Variants in MYOF observed in about 807,000 individuals in gnomAD.
The protein encoded by MYOF is fer-1-like 3, myoferlin.
Under a neutral mutation model 284.2 loss-of-function variants are expected in MYOF, and 244 were observed. That is an observed-to-expected ratio of 0.86 (90% confidence interval 0.77 to 0.95). MYOF has a LOEUF of 0.95. Ranked by LOEUF, MYOF falls within the 40% of genes least tolerant of loss-of-function variation. The pLI is 0.00. For synonymous variants in MYOF, 904 were observed against 919.7 expected (o/e 0.98, Z 0.31); for missense variants, 2,496 against 2,560.6 (o/e 0.97, Z 0.54).
chr10:93,472,922 A>G (rs871420), intron 1 of MYOF, among the ~76,000 whole-genome samples: 1 of 151,928 alleles, frequency 6.6e-6, no homozygotes, highest in Non-Finnish European at 1.5e-5. Context: ...CCTGTCATGC[A>G]ACATTCTGTG....
At chr10:93,332,314 C>T (rs1245389327) in intron 43 of MYOF, among the ~76,000 whole-genome samples, 1 of 151,818 alleles carries the variant, frequency 6.6e-6, no homozygotes, top group Non-Finnish European at 1.5e-5. Context: ...CCTCCACCTC[C>T]CAGGTTCAAG....
intron 25 of MYOF, among the ~76,000 whole-genome samples, chr10:93,368,320 A>C (rs955560654): frequency 6.6e-6 from 1 of 152,184 alleles, no homozygotes; most frequent in Non-Finnish European, 1.5e-5. Flanking sequence ...ACTGTTTCTT[A>C]AAGTGGTCCC....
At chr10:93,336,153 C>T (rs916791545) in intron 40 of MYOF, 107 bp from the exon 41 acceptor site, 37 of 1,278,626 alleles carry the variant, frequency 2.9e-5, no homozygotes, top group Admixed American at 1.6e-4. Flanking sequence ...ATGGGGCGAC[C>T]GGAACTCCCA....
intron 1 of MYOF, among the ~76,000 whole-genome samples, chr10:93,462,261 G>C (rs1288861668): frequency 6.6e-6 from 1 of 152,130 alleles, no homozygotes; most frequent in Non-Finnish European, 1.5e-5. Context: ...GTAAAGACAG[G>C]GTTTCCCCAT....
At chr10:93,354,482 C>T (rs1844690579) in intron 31 of MYOF, among the ~76,000 whole-genome samples, 1 of 152,176 alleles carries the variant, frequency 6.6e-6, no homozygotes, top group Non-Finnish European at 1.5e-5. Flanking sequence ...ATTTAGGGTA[C>T]TGCTTATCAT....
chr10:93,469,966 C>T (rs1055175033), intron 1 of MYOF, among the ~76,000 whole-genome samples: 15 of 152,052 alleles, frequency 9.9e-5, no homozygotes, highest in African/African-American at 3.1e-4. Context: ...CAGTGGCTCA[C>T]GCTTGTAATC....
chr10:93,395,568 G>A (rs1417704255), intron 16 of MYOF, among the ~76,000 whole-genome samples: 1 of 152,116 alleles, frequency 6.6e-6, no homozygotes, highest in Non-Finnish European at 1.5e-5. Context: ...GCCAGGTATA[G>A]GCAAATAGTT....
At chr10:93,452,237 T>C in intron 2 of MYOF, 96 bp from the exon 3 acceptor site, 1 of 783,128 alleles carries the variant, frequency 1.3e-6, no homozygotes, top group Non-Finnish European at 2.2e-6. Flanking sequence ...TGTTGGGTCA[T>C]TATTTTCACC....
chr10:93,423,616 G>A (rs1016071719), intron 5 of MYOF, among the ~76,000 whole-genome samples: 6 of 148,200 alleles, frequency 4.0e-5, no homozygotes, highest in South Asian at 2.1e-4. Context: ...GGTGGATCAC[G>A]AGGTCAGGAG....
chr10:93,308,252 A>T (rs954828677), intron 53 of MYOF, among the ~76,000 whole-genome samples: 3 of 144,814 alleles, frequency 2.1e-5, no homozygotes, highest in Non-Finnish European at 3.1e-5. Context: ...CAAAAAAAAT[A>T]AAAAATAAAA....
At chr10:93,324,384 A>T (rs1842957601) in intron 46 of MYOF, 1 of 152,192 alleles carries the variant, frequency 6.6e-6, no homozygotes, top group South Asian at 2.1e-4. Flanking sequence ...ACTCTCCTGC[A>T]ACTAATCTCT....
chr10:93,337,330 C>T (rs1202766213), intron 40 of MYOF, among the ~76,000 whole-genome samples: 1 of 151,978 alleles, frequency 6.6e-6, no homozygotes, highest in Non-Finnish European at 1.5e-5. Flanking sequence ...GTCAGCCGTG[C>T]CTAGCTCAGT....
intron 5 of MYOF, among the ~76,000 whole-genome samples, chr10:93,411,726 C>T (rs1017901040): frequency 1.3e-5 from 2 of 152,186 alleles, no homozygotes; most frequent in Non-Finnish European, 2.9e-5. Flanking sequence ...CCCTGCTCCT[C>T]ATCATCCATT....
At chr10:93,409,434 T>G (rs1847790449) in intron 6 of MYOF, 139 bp downstream of exon 6, 4 of 1,055,550 alleles carry the variant, frequency 3.8e-6, no homozygotes, top group Non-Finnish European at 5.4e-6. Flanking sequence ...CTTTTCTTAC[T>G]GGGTTTATAC....
At chr10:93,452,025 A>G in intron 3 of MYOF, 25 bp downstream of exon 3, 1 of 1,515,978 alleles carries the variant, frequency 6.6e-7, no homozygotes, top group Non-Finnish European at 9.1e-7. Context: ...ACCTAAAATG[A>G]GAAAAACAGG....
intron 3 of MYOF, among the ~76,000 whole-genome samples, chr10:93,436,931 T>C (rs1294220663): frequency 6.6e-6 from 1 of 152,210 alleles, no homozygotes; most frequent in Non-Finnish European, 1.5e-5. Flanking sequence ...AGTCTCCCCA[T>C]GAACTCCAAC....
chr10:93,360,745 C>T (rs1845029831), intron 28 of MYOF, among the ~76,000 whole-genome samples: 1 of 152,166 alleles, frequency 6.6e-6, no homozygotes, highest in African/African-American at 2.4e-5. Context: ...CATAGGAAGA[C>T]TTTAAGGGTA....
At position 93,347,655 on chromosome 10, in the gene MYOF, G is replaced by C. The variant is rs1047667025; in HGVS notation, c.4211C>G (p.Pro1404Arg). The change falls in exon 37 of 54, where the codon CCT becomes CGT. Residue 1404 changes from proline to arginine, a missense_variant. By Grantham distance (103) the Pro-to-Arg change is moderately radical. Coordinates refer to ENST00000359263, the MANE Select transcript of MYOF (RefSeq NM_013451.4). ...IERLDRFRCD[P>R]YAGKEDIVPQ... ...GACGATGTCCTCTTTCCCTGCATAA[G>C]GGTCACAGCGAAAGCGGTCCAGGCG... 2.5e-6 allele frequency: 4 copies of C among 1,613,738 alleles called. No individual in the cohort carries two copies. In the African/African-American group the frequency reaches 4.0e-5, roughly 16 times the overall value.
chr10:93,431,638 G>T, intron 3 of MYOF, 122 bp from the exon 4 acceptor site: 1 of 691,284 alleles, frequency 1.4e-6, no homozygotes, highest in South Asian at 1.9e-5. Flanking sequence ...AATGAGATGT[G>T]GGCCATTTTG....
Sources: gnomAD v4.1 joint callset for allele counts (sites outside exome capture counted in the v4.1 genomes callset) on GRCh38, gnomAD v4.1.1 for gene constraint, MANE v1.5 for transcripts, NCBI Gene and HGNC (gene_info 2026-07-23, HGNC 2026-07-21) for gene names.